Variants in CLIC5 observed in about 807,000 individuals in gnomAD.
CLIC5 encodes the protein CLIC family member 5.
A neutral mutation model predicts 24.7 loss-of-function variants in CLIC5; 20 were observed. The observed-to-expected ratio is 0.81, with a 90% CI of 0.57 to 1.18. The LOEUF (loss-of-function observed/expected upper bound fraction) is 1.18, where lower values mean the gene tolerates loss of function less well. Among genes scored for constraint, CLIC5 ranks in the 50% most tolerant of loss-of-function variants. CLIC5 has a pLI of 0.00. For synonymous variants in CLIC5, 159 were observed against 135.6 expected (o/e 1.17, Z -1.20); for missense variants, 341 against 326.1 (o/e 1.05, Z -0.35).
downstream of CLIC5, among the ~76,000 whole-genome samples, chr6:45,894,314 C>A (rs921131946): frequency 6.6e-6 from 1 of 152,160 alleles, no homozygotes; most frequent in Non-Finnish European, 1.5e-5. Context: ...ATAGGTGCGC[C>A]TTTTGACTTA....
chr6:45,953,355 T>C (rs1764532447), intron 2 of CLIC5, among the ~76,000 whole-genome samples: 1 of 151,696 alleles, frequency 6.6e-6, no homozygotes, highest in African/African-American at 2.4e-5. Context: ...GCTGGGTGAG[T>C]CTGGAGGGAG....
the CLIC5 span, among the ~76,000 whole-genome samples, chr6:46,100,688 T>A: frequency 6.6e-6 from 1 of 152,192 alleles, no homozygotes; most frequent in Non-Finnish European, 1.5e-5. Context: ...AATATAGTCA[T>A]AATGTAAGAA....
chr6:45,989,134 A>C (rs746804953), intron 1 of CLIC5, among the ~76,000 whole-genome samples: 14 of 152,172 alleles, frequency 9.2e-5, no homozygotes, highest in Non-Finnish European at 1.5e-4. Context: ...ACTCTTGTCA[A>C]AATGTTGGGA....
At chr6:45,978,232 T>C (rs2127411089) in intron 1 of CLIC5, among the ~76,000 whole-genome samples, 1 of 152,326 alleles carries the variant, frequency 6.6e-6, no homozygotes, top group East Asian at 1.9e-4. Flanking sequence ...TTATACCTGG[T>C]CTGACCCATC....
chr6:46,104,753 G>C, the CLIC5 span, among the ~76,000 whole-genome samples: 1 of 150,540 alleles, frequency 6.6e-6, no homozygotes, highest in African/African-American at 2.4e-5. Context: ...TTGAAAGAAA[G>C]ACACATAATA....
At chr6:45,963,269 G>A (rs569177594) in intron 1 of CLIC5, among the ~76,000 whole-genome samples, 153 of 151,950 alleles carry the variant, frequency 1.0e-3, no homozygotes, top group Non-Finnish European at 1.6e-3. Context: ...TCAGCCATCT[G>A]CAGCCTCCCT....
intron 4 of CLIC5, among the ~76,000 whole-genome samples, chr6:45,922,934 C>A (rs1356199061): frequency 6.6e-6 from 1 of 151,760 alleles, no homozygotes; most frequent in Non-Finnish European, 1.5e-5. Flanking sequence ...GTTAGGGAAC[C>A]CGGCCCAGAC....
At chr6:46,101,906 T>G in the CLIC5 span, among the ~76,000 whole-genome samples, 1 of 151,846 alleles carries the variant, frequency 6.6e-6, no homozygotes, top group African/African-American at 2.4e-5. Flanking sequence ...CATTACACCA[T>G]TCCTGGGGGA....
intron 6 of CLIC5, among the ~76,000 whole-genome samples, chr6:45,882,955 G>A (rs923537665): frequency 6.6e-6 from 1 of 152,200 alleles, no homozygotes; most frequent in Non-Finnish European, 1.5e-5. Context: ...AGACATAAGT[G>A]CATACATGAC....
intron 1 of CLIC5, among the ~76,000 whole-genome samples, chr6:46,013,381 G>A (rs1766873676): frequency 6.6e-6 from 1 of 152,210 alleles, no homozygotes; most frequent in South Asian, 2.1e-4. Context: ...GGCCTGGGCA[G>A]CATCTTTATT....
chr6:46,018,265 G>A (rs76871901), upstream of CLIC5, among the ~76,000 whole-genome samples: 1,751 of 152,272 alleles, frequency 0.011, 13 homozygotes, highest in Admixed American at 0.021. Flanking sequence ...TGTGTTACAC[G>A]TATTTTCGAT....
chr6:46,003,124 C>A (rs1033084892), intron 1 of CLIC5, among the ~76,000 whole-genome samples: 1 of 152,160 alleles, frequency 6.6e-6, no homozygotes, highest in Non-Finnish European at 1.5e-5. Flanking sequence ...GGAATAGTAC[C>A]AAGACCTACT....
intron 1 of CLIC5, among the ~76,000 whole-genome samples, chr6:46,024,088 T>C (rs1428427893): frequency 6.6e-6 from 1 of 152,186 alleles, no homozygotes; most frequent in African/African-American, 2.4e-5. Context: ...AAGCCAGCAG[T>C]TACATTTGTG....
At chr6:45,973,928 C>CA (rs58085331) in intron 1 of CLIC5, among the ~76,000 whole-genome samples, 54,433 of 133,708 alleles carry the variant, frequency 0.41, 11,475 homozygotes, top group African/African-American at 0.6. Flanking sequence ...GACTCCATCT[C>CA]AAAAAAAAAA....
In CLIC5 at chr6:46,039,349, T is replaced by C. The variant is rs1203473261; in HGVS notation, c.540+40354A>G. ...AAAAGATGGGTGGAGACAATAGATA[T>C]TTCCAAAGTAAATTTAGACCATAAT... On this transcript the variant is annotated intron_variant, in intron 1 of 5. Coordinates refer to the CLIC5 transcript ENST00000185206. 2.0e-5 allele frequency among the ~76,000 whole-genome samples: 3 copies of C among 151,436 alleles called. No homozygotes were observed. The East Asian group carries it at 5.8e-4, about 29-fold the overall frequency.
intron 1 of CLIC5, among the ~76,000 whole-genome samples, chr6:45,977,400 C>A (rs568196652): frequency 6.6e-6 from 1 of 152,108 alleles, no homozygotes; most frequent in African/African-American, 2.4e-5. Flanking sequence ...GCTATTTCAA[C>A]AAACCCCCCA....
intron 1 of CLIC5, among the ~76,000 whole-genome samples, chr6:45,995,932 A>C (rs917362420): frequency 1.3e-5 from 2 of 152,076 alleles, no homozygotes; most frequent in Non-Finnish European, 2.9e-5. Context: ...TGGACACAGG[A>C]AGTGGAACAA....
At chr6:45,941,355 C>G (rs1764123094) in intron 4 of CLIC5, among the ~76,000 whole-genome samples, 192 bp downstream of exon 4, 1 of 151,680 alleles carries the variant, frequency 6.6e-6, no homozygotes, top group Non-Finnish European at 1.5e-5. Flanking sequence ...TAGGCAGCAG[C>G]ATCCACCACC....
chr6:45,883,976 G>A (rs1208873246), intron 6 of CLIC5: 2 of 152,270 alleles, frequency 1.3e-5, no homozygotes, highest in Non-Finnish European at 2.9e-5. Flanking sequence ...GACGAGTCAG[G>A]TTGGGACCAG....
Sources: allele counts gnomAD v4.1 joint callset (sites outside exome capture counted in the v4.1 genomes callset), GRCh38; gene constraint gnomAD v4.1.1; transcripts MANE v1.5; gene names NCBI Gene and HGNC (gene_info 2026-07-23, HGNC 2026-07-21).